Variants in NSD3 observed in about 807,000 individuals in gnomAD.
NSD3 encodes the protein nuclear receptor binding SET domain protein 3.
A neutral mutation model predicts 160.8 loss-of-function variants in NSD3; 24 were observed. The ratio of observed to expected loss-of-function variants is 0.15; its 90% CI spans 0.11 to 0.21. The LOEUF (loss-of-function observed/expected upper bound fraction) is 0.21. NSD3 is among the 10% of genes least tolerant of loss of function. The pLI, the probability that NSD3 is intolerant of heterozygous loss-of-function variation, is 1.00. For missense variants in NSD3, 1,157 were observed against 1,735.9 expected, an observed-to-expected ratio of 0.67 and a Z score of 5.93; for synonymous variants, 520 against 600.0, an observed-to-expected ratio of 0.87 and a Z score of 1.95.
chr8:38,331,680 C>G, intron 4 of NSD3, 95 bp from the exon 5 acceptor site: 1 of 1,301,142 alleles, frequency 7.7e-7, no homozygotes, highest in Non-Finnish European at 1.1e-6. Context: ...CTCAGTATTA[C>G]TCCCACTAAA....
Position 38,318,922 on chromosome 8 carries a change from C to T in NSD3, c.1828G>A (p.Ala610Thr). 6.2e-7 allele frequency: 1 copy of T among 1,610,782 alleles called. No homozygotes were observed. ...KKEQVETVPQATVKTGLQKGA... is the reference protein window; with the variant it reads ...KKEQVETVPQTTVKTGLQKGA... ...TTCTGTAATCCAGTCTTCACTGTAG[C>T]CTGAGGAACTGTTTCAACCTGTTTG... The change falls in exon 9 of 24, where the codon GCT (alanine) becomes ACT (threonine). Residue 610 changes from alanine to threonine, a missense_variant. Ala to Thr is a moderately conservative substitution (Grantham distance 58, BLOSUM62 0). Around this residue, in one of 10 missense-constraint regions of NSD3, gnomAD observed 102 missense variants for 126.5 expected, o/e 0.81. Coordinates refer to ENST00000317025, the MANE Select transcript of NSD3 (RefSeq NM_023034.2). This position sits in a 1 kb window ranked among gnomAD's most constrained non-coding sequence, Gnocchi z 5.3.
Position 38,347,757 on chromosome 8 carries a change from C to T in NSD3, c.415G>A (p.Val139Ile). 1 of 1,612,778 alleles carries T rather than the reference C, an allele frequency of 6.2e-7. No homozygotes were observed. Among genetic ancestry groups the T allele is most frequent in the Non-Finnish European group, 8.5e-7 (1 of 1,180,010 alleles). The change falls in exon 2 of 24, where the codon GTA becomes ATA. Residue 139 changes from valine to isoleucine, a missense_variant. By Grantham distance (29) the Val-to-Ile change is conservative (BLOSUM62 3). Coordinates refer to ENST00000317025, the MANE Select transcript of NSD3 (RefSeq NM_023034.2). The stretch of plus-strand genomic sequence containing the variant: ...TTCTTTGGAATCACAGTTTGTGGTA[C>T]CGAAGGAGGAGGTGGTGGCTGTGGA... The part of the protein sequence containing the change: ...SPPQPPPPPS[V>I]PQTVIPKKTG...
intron 1 of NSD3, among the ~76,000 whole-genome samples, chr8:38,358,308 A>AT (rs1265557299): frequency 6.6e-6 from 1 of 152,174 alleles, no homozygotes; most frequent in Non-Finnish European, 1.5e-5. Context: ...ATATAATATG[A>AT]TTTTCACAAC....
intron 12 of NSD3, among the ~76,000 whole-genome samples, chr8:38,310,335 T>A (rs1205572579): frequency 6.6e-6 from 1 of 152,244 alleles, no homozygotes; most frequent in Non-Finnish European, 1.5e-5. Context: ...TCAAGGTTCA[T>A]CCATGTTATG....
rs1317914045 is a variant in NSD3 at position 38,317,006 on chromosome 8, T to C, written c.1856-964A>G. The C allele has an allele frequency of 1.9e-6, 2 of 1,059,624 alleles. No homozygotes were observed. Among genetic ancestry groups the C allele is most frequent in the Admixed American group, 5.4e-5 (1 of 18,526 alleles). The allele number at this position is 1,059,624 out of a possible 1,614,324, so 65.6% of individuals were successfully genotyped here. On this transcript the variant is annotated intron_variant, in intron 9 of 23. Transcript: ENST00000317025. This position sits in a 1 kb window ranked among gnomAD's most constrained non-coding sequence, Gnocchi z 5.3. Reference sequence around the variant, plus strand: ...CAACCCACAGTTTGTGTTTTGGATTTTTTCCCCCAAAATTTCCATACAACA... The same window carrying C: ...CAACCCACAGTTTGTGTTTTGGATTCTTTCCCCCAAAATTTCCATACAACA...
At position 38,299,546 on chromosome 8, in the gene NSD3, C is replaced by T; in HGVS notation, c.2656G>A (p.Ala886Thr). The change falls in exon 15 of 24, where the codon GCC becomes ACC. Residue 886 changes from alanine to threonine, a missense_variant. Coordinates refer to ENST00000317025, the MANE Select transcript of NSD3 (RefSeq NM_023034.2). Reference protein sequence around the residue: ...DHSDPMFSSYAYKSHYLLNES... With the variant: ...DHSDPMFSSYTYKSHYLLNES... ...TTCAGTAGGTAGTGGGACTTATAGG[C>T]ATATGAACTGAACATGGGGTCTGAA... The T allele has an allele frequency of 6.2e-7, 1 of 1,613,452 alleles. No individual in the cohort carries two copies. Among genetic ancestry groups the T allele is most frequent in the Non-Finnish European group, 8.5e-7 (1 of 1,179,702 alleles).
chr8:38,377,299 C>T (rs1280130482), intron 1 of NSD3, among the ~76,000 whole-genome samples: 3 of 152,138 alleles, frequency 2.0e-5, no homozygotes, highest in Non-Finnish European at 4.4e-5. Flanking sequence ...AGTGATCCTC[C>T]TGCCTCAGCC....
chr8:38,349,662 TC>T (rs1327948208), intron 1 of NSD3, among the ~76,000 whole-genome samples: 7 of 91,204 alleles, frequency 7.7e-5, no homozygotes, highest in Middle Eastern at 5.1e-3. Context: ...GTAATTTCTT[TC>T]TTTATATATA....
At chr8:38,324,474 T>A (rs1809860387) in intron 7 of NSD3, among the ~76,000 whole-genome samples, 1 of 152,218 alleles carries the variant, frequency 6.6e-6, no homozygotes, top group Non-Finnish European at 1.5e-5. Context: ...ATATTTACAC[T>A]TTATGCCACT....
At chr8:38,353,592 T>G (rs1260312146) in intron 1 of NSD3, among the ~76,000 whole-genome samples, 1 of 152,112 alleles carries the variant, frequency 6.6e-6, no homozygotes, top group African/African-American at 2.4e-5. Flanking sequence ...AAGTTTTATA[T>G]TTTCCCCTTT....
chr8:38,331,315 A>C (rs1810056018), intron 5 of NSD3, 116 bp downstream of exon 5: 1 of 1,207,694 alleles, frequency 8.3e-7, no homozygotes, highest in Non-Finnish European at 1.1e-6. Flanking sequence ...AAACAGCTGA[A>C]AGGGGTTTAA....
At chr8:38,354,260 C>T (rs1810770310) in intron 1 of NSD3, among the ~76,000 whole-genome samples, 1 of 152,182 alleles carries the variant, frequency 6.6e-6, no homozygotes, top group African/African-American at 2.4e-5. Context: ...TCCCAGACAA[C>T]TGGCCTGGGC....
At chr8:38,326,442 T>A (rs911366922) in intron 7 of NSD3, among the ~76,000 whole-genome samples, 1 of 152,210 alleles carries the variant, frequency 6.6e-6, no homozygotes. Context: ...CAAAGAGAGA[T>A]AGTCGATGGT....
intron 1 of NSD3, among the ~76,000 whole-genome samples, chr8:38,349,899 C>T (rs1338873609): frequency 6.6e-6 from 1 of 151,340 alleles, no homozygotes; most frequent in African/African-American, 2.4e-5. Context: ...AGTGTTCTCA[C>T]TGTTCAATTC....
rs1006972135 is a variant in NSD3 at position 38,321,259 on chromosome 8, T to G, written c.1709-87A>C. The G allele has an allele frequency of 3.1e-5, 32 of 1,028,262 alleles. No individual in the cohort carries two copies. In the Admixed American group the frequency reaches 8.1e-4, roughly 26 times the overall value. 63.7% of individuals were successfully genotyped at this position (1,028,262 alleles called of 1,614,324 possible). A position where few individuals can be genotyped will look rare whatever the true frequency, so the allele number is the denominator to read the frequency against. On this transcript the variant is annotated intron_variant, in intron 7 of 23. Transcript: ENST00000317025. The surrounding 1 kb of genome is among the most constrained non-coding windows in gnomAD (Gnocchi z 4.7). ...ATTAAGATATGACCACATTCCTTGC[T>G]TTTCTTACCCATTACTTTTGGAATT...
intron 1 of NSD3, among the ~76,000 whole-genome samples, chr8:38,377,365 T>C (rs1289169209): frequency 2.0e-5 from 3 of 152,018 alleles, no homozygotes; most frequent in Non-Finnish European, 4.4e-5. Context: ...TGTTTTGTTT[T>C]TGAGACGGAA....
intron 12 of NSD3, among the ~76,000 whole-genome samples, chr8:38,306,716 G>A (rs1441678096): frequency 4.6e-5 from 7 of 152,160 alleles, no homozygotes; most frequent in Non-Finnish European, 1.0e-4. Context: ...AGTGGGCAGA[G>A]GATGTAAATG....
intron 1 of NSD3, among the ~76,000 whole-genome samples, chr8:38,373,462 T>C (rs1811308083): frequency 6.6e-6 from 1 of 152,182 alleles, no homozygotes. Context: ...ATATTTCACA[T>C]TTCATAACGT....
chr8:38,321,299 TA>T lies in NSD3; in HGVS notation c.1709-128del, dbSNP rs1399055365. ...CTTTTGGAATTTTAATTAAAATCAT[TA>T]AAAAATGCTAAACATTCAGGAGCAT... On this transcript the variant is annotated intron_variant, in intron 7 of 23. Coordinates refer to ENST00000317025, the MANE Select transcript of NSD3 (RefSeq NM_023034.2). This position sits in a 1 kb window ranked among gnomAD's most constrained non-coding sequence, Gnocchi z 4.7. 1.1e-5 allele frequency: 7 copies of T among 657,776 alleles called. No individual in the cohort carries two copies. Among genetic ancestry groups the T allele is most frequent in the Non-Finnish European group, 1.7e-5 (7 of 402,048 alleles). 40.7% of individuals were successfully genotyped at this position (657,776 alleles called of 1,614,324 possible). A position where few individuals can be genotyped will look rare whatever the true frequency, so the allele number is the denominator to read the frequency against.
Sources: allele counts gnomAD v4.1 joint callset (sites outside exome capture counted in the v4.1 genomes callset), GRCh38; gene constraint gnomAD v4.1.1; regional missense constraint gnomAD v4.1.1; non-coding constraint Gnocchi (gnomAD v3.1); transcripts MANE v1.5; gene names NCBI Gene and HGNC (gene_info 2026-07-23, HGNC 2026-07-21).